Variants in MEIG1 observed in about 807,000 individuals in gnomAD.
MEIG1 encodes the protein meiosis expressed gene 1 protein homolog.
Under a neutral mutation model 11.3 loss-of-function variants are expected in MEIG1, and 12 were observed. That is an observed-to-expected ratio of 1.07 (90% confidence interval 0.68 to 1.73). The LOEUF (loss-of-function observed/expected upper bound fraction) is 1.73, where lower values mean the gene tolerates loss of function less well. MEIG1 is among the 40% of genes most tolerant of loss of function. The pLI is 0.00. For synonymous variants in MEIG1, 41 were observed against 33.2 expected, an observed-to-expected ratio of 1.24 and a Z score of -0.81; for missense variants, 119 against 104.9, an observed-to-expected ratio of 1.13 and a Z score of -0.59.
At chr10:14,967,675 A>G (rs1028998361) in intron 2 of MEIG1, among the ~76,000 whole-genome samples, 11 of 152,096 alleles carry the variant, frequency 7.2e-5, no homozygotes, top group Non-Finnish European at 1.5e-4. Flanking sequence ...AGGGGCTTCA[A>G]TGCTTCATGC....
At chr10:14,956,430 A>T (rs899038436), upstream of MEIG1, among the ~76,000 whole-genome samples, 3 of 151,478 alleles carry the variant, frequency 2.0e-5, no homozygotes, top group African/African-American at 7.3e-5. Flanking sequence ...AATAAAAAAA[A>T]AAATAGCCAG....
At chr10:14,959,667 T>C (rs1393760897) in intron 1 of MEIG1, 110 bp downstream of exon 1, 1 of 152,376 alleles carries the variant, frequency 6.6e-6, no homozygotes, top group African/African-American at 2.4e-5. Flanking sequence ...CGCAGTTCTC[T>C]GCTGTCTCCT....
At chr10:14,961,690 G>C (rs1843015701) in intron 1 of MEIG1, among the ~76,000 whole-genome samples, 1 of 134,928 alleles carries the variant, frequency 7.4e-6, no homozygotes, top group Non-Finnish European at 1.6e-5. Context: ...AGGTTGGCTA[G>C]GCTGGTCTCG....
intron 2 of MEIG1, chr10:14,987,021 A>T: frequency 1.6e-6 from 1 of 629,126 alleles, no homozygotes; most frequent in Non-Finnish European, 2.7e-6. Context: ...AGAGGTGAGG[A>T]TTCATGATGA....
upstream of MEIG1, among the ~76,000 whole-genome samples, chr10:14,956,458 T>C (rs1455295471): frequency 6.6e-6 from 1 of 150,576 alleles, no homozygotes; most frequent in African/African-American, 2.4e-5. Context: ...GTCAGGGGCC[T>C]GTAATCCCAG....
the MEIG1 span, chr10:14,954,241 A>G: frequency 1.5e-6 from 1 of 652,370 alleles, no homozygotes; most frequent in Non-Finnish European, 2.7e-6. Context: ...GCTGCACGCG[A>G]TGGGCCCTGA....
At position 14,965,954 on chromosome 10, in the gene MEIG1, A is replaced by G. The variant is rs942075891; in HGVS notation, c.-29-486A>G. Among the ~76,000 whole-genome samples, 3 of 152,140 alleles carry G rather than the reference A, an allele frequency of 2.0e-5. 1 individual carries two copies. Among genetic ancestry groups the G allele is most frequent in the African/African-American group, 4.8e-5 (2 of 41,400 alleles). On this transcript the variant is annotated intron_variant, in intron 1 of 2. Transcript: ENST00000407572. Reference sequence around the variant, plus strand: ...GTTTGTTTCTTACAGTTTTATCCCCACAAAATAGAGCATGAATCCTTCTCA... The same window carrying G: ...GTTTGTTTCTTACAGTTTTATCCCCGCAAAATAGAGCATGAATCCTTCTCA...
chr10:14,981,764 G>C (rs887553356), intron 1 of MEIG1, among the ~76,000 whole-genome samples: 14 of 152,132 alleles, frequency 9.2e-5, no homozygotes, highest in African/African-American at 3.4e-4. Context: ...TTCTTCCAAT[G>C]TCCTATTTCT....
chr10:14,958,476 C>A (rs1199146507), upstream of MEIG1, among the ~76,000 whole-genome samples: 2 of 152,120 alleles, frequency 1.3e-5, no homozygotes, highest in African/African-American at 4.8e-5. Flanking sequence ...TATTTAACAA[C>A]GAGCTCAGAA....
chr10:14,980,601 G>T (rs1199351994), intron 1 of MEIG1, among the ~76,000 whole-genome samples: 1 of 152,106 alleles, frequency 6.6e-6, no homozygotes, highest in Non-Finnish European at 1.5e-5. Flanking sequence ...AGGGCAATCC[G>T]TTCTCTTGGC....
intron 1 of MEIG1, among the ~76,000 whole-genome samples, chr10:14,977,943 C>T (rs905854739): frequency 4.0e-5 from 6 of 151,866 alleles, no homozygotes; most frequent in Non-Finnish European, 8.8e-5. Context: ...AGTGTGCCCC[C>T]AGTGACATTA....
chr10:14,969,760 C>T (rs1271833881), intron 2 of MEIG1, among the ~76,000 whole-genome samples: 2 of 152,130 alleles, frequency 1.3e-5, no homozygotes, highest in African/African-American at 2.4e-5. Context: ...CACTTGAACC[C>T]GGGAGGGGGA....
chr10:14,979,024 G>T (rs148448737), intron 1 of MEIG1, among the ~76,000 whole-genome samples: 1 of 152,034 alleles, frequency 6.6e-6, no homozygotes, highest in African/African-American at 2.4e-5. Flanking sequence ...GATATTATTC[G>T]TAATATCCTG....
chr10:14,955,197 G>A (rs186078815), upstream of MEIG1, among the ~76,000 whole-genome samples: 5 of 152,326 alleles, frequency 3.3e-5, no homozygotes, highest in South Asian at 1.0e-3. Context: ...CTCCCAAAGT[G>A]CTGGGTGAGC....
upstream of MEIG1, among the ~76,000 whole-genome samples, chr10:14,955,812 A>G (rs1207324166): frequency 6.6e-6 from 1 of 152,080 alleles, no homozygotes; most frequent in Non-Finnish European, 1.5e-5. Context: ...GAGGAGGGGG[A>G]GGAGGGGTGA....
intron 1 of MEIG1, among the ~76,000 whole-genome samples, chr10:14,979,517 C>T (rs921086883): frequency 2.0e-5 from 3 of 151,048 alleles, no homozygotes; most frequent in East Asian, 1.9e-4. Context: ...TTACTCCCAA[C>T]GTCACAGGGG....
chr10:14,980,891 C>T (rs1199900914), intron 1 of MEIG1, among the ~76,000 whole-genome samples: 1 of 152,140 alleles, frequency 6.6e-6, no homozygotes, highest in East Asian at 1.9e-4. Flanking sequence ...AGCAGCTGTC[C>T]TCAGCTGGCA....
rs749211535 is a variant in MEIG1, at chr10:14,965,675, T to TGAGAGAGAGAGAGAGAGAGA, written c.-29-743_-29-724dup. Among the ~76,000 whole-genome samples, 62 of 101,212 alleles carry TGAGAGAGAGAGAGAGAGAGA rather than the reference T, an allele frequency of 6.1e-4. 5 individuals are homozygous for TGAGAGAGAGAGAGAGAGAGA. The East Asian group carries it at 0.011, about 18-fold the overall frequency. 66.4% of individuals were successfully genotyped at this position (101,212 alleles called of 152,430 possible). ...GAAGACGGGTCTTACATTCCCTTTT[T>TGAGAGAGAGAGAGAGAGAGA]GAGAGAGAGAGAGAGAGAGAGAGAG... On this transcript the variant is annotated intron_variant, in intron 1 of 2. Transcript: ENST00000407572.
downstream of MEIG1, among the ~76,000 whole-genome samples, chr10:14,977,456 A>G (rs1308171805): frequency 6.6e-6 from 1 of 151,988 alleles, no homozygotes; most frequent in East Asian, 1.9e-4. Flanking sequence ...AGGGATGTAC[A>G]CCGTGTGATA....
Sources: allele counts gnomAD v4.1 joint callset (sites outside exome capture counted in the v4.1 genomes callset), GRCh38; gene constraint gnomAD v4.1.1; transcripts MANE v1.5; gene names NCBI Gene and HGNC (gene_info 2026-07-23, HGNC 2026-07-21).